The following CSMD2 variants were observed in gnomAD, a reference collection of about 807,000 sequenced individuals.
The protein encoded by CSMD2 is CUB and Sushi multiple domains 2.
In CSMD2, 130 loss-of-function variants were observed where a neutral mutation model predicts 398.5. That is an observed-to-expected ratio of 0.33 (90% CI 0.28 to 0.38). CSMD2 has a LOEUF of 0.38. Ranked by LOEUF, CSMD2 falls within the 10% of genes least tolerant of loss-of-function variation. CSMD2 has a pLI of 1.00. For synonymous variants in CSMD2, 1,828 were observed against 1,908.5 expected, an observed-to-expected ratio of 0.96 and a Z score of 1.10; for missense variants, 3,829 against 4,764.9, an observed-to-expected ratio of 0.80 and a Z score of 5.78.
At chr1:33,807,540 T>C (rs1387875222) in intron 10 of CSMD2, among the ~76,000 whole-genome samples, 1 of 152,094 alleles carries the variant, frequency 6.6e-6, no homozygotes. Context: ...GGTAAACAAA[T>C]AAGTGGTCAA....
rs78917574 is a variant in CSMD2, at chr1:33,624,244, C to T, written c.5625+275G>A. Among the ~76,000 whole-genome samples the T allele has an allele frequency of 3.0e-3, 462 of 152,318 alleles. 2 individuals are homozygous for T. The highest frequency in any genetic ancestry group is 0.01 in the African/African-American group (430 of 41,556). On this transcript the variant is annotated intron_variant, in intron 35 of 70. Transcript: ENST00000373381. The surrounding 1 kb of genome is among the most constrained non-coding windows in gnomAD (Gnocchi z 4.7). ...CCCTCCTGGCCATGGCCAATCAATG[C>T]CCACCTCTCCTCCTTCCTGGGTTAC... is the stretch of plus-strand genomic sequence containing the variant.
At chr1:33,794,716 A>G (rs954344080) in intron 10 of CSMD2, among the ~76,000 whole-genome samples, 1 of 152,144 alleles carries the variant, frequency 6.6e-6, no homozygotes, top group South Asian at 2.1e-4. Flanking sequence ...ATTGAGGGAG[A>G]GTTGAAAGCT....
At chr1:34,030,391 C>T (rs1288138698) in intron 3 of CSMD2, among the ~76,000 whole-genome samples, 1 of 152,116 alleles carries the variant, frequency 6.6e-6, no homozygotes, top group African/African-American at 2.4e-5. Context: ...AGACAGCCAC[C>T]AAACACATGT....
intron 62 of CSMD2, among the ~76,000 whole-genome samples, chr1:33,534,737 T>G (rs900385171): frequency 6.6e-6 from 1 of 152,248 alleles, no homozygotes; most frequent in Non-Finnish European, 1.5e-5. Flanking sequence ...TGAACACTTT[T>G]TTGTCTTGGA....
rs77838577 is a variant in CSMD2 at position 34,118,621 on chromosome 1, A to G, written c.188-29428T>C. ...TCTATACATGAACAATGAACAATCT[A>G]AAAAGGAGATTTGTTTTGTTTTTTA... On this transcript the variant is annotated intron_variant, in intron 1 of 70. Transcript: ENST00000373381. Among the ~76,000 whole-genome samples, 1,172 of 152,320 alleles carry G rather than the reference A, an allele frequency of 7.7e-3. 24 individuals are homozygous for G. Among genetic ancestry groups the G allele is most frequent in the African/African-American group, 0.027 (1,113 of 41,560 alleles).
chr1:33,792,471 G>A lies in CSMD2; in HGVS notation c.1502C>T (p.Thr501Met), dbSNP rs772203139. ...CCCATCCTGACCACCATCACCGACC[G>A]TCAGGGTGTCATAGCCCCTCTCCAA... ...FDLERGYDTL[T>M]VGDGGQDGDQ... is the part of the protein sequence containing the mutation. Residue 501 changes from threonine (T) to methionine (M), a missense_variant, in exon 11 of 71, where the codon ACG becomes ATG. Physicochemically the swap from Thr to Met is moderately conservative, Grantham distance 81. Transcript: ENST00000373381. The A allele has an allele frequency of 1.5e-5, 24 of 1,613,866 alleles. No homozygotes were observed. The highest frequency in any genetic ancestry group is 1.5e-4 in the African/African-American group (11 of 74,858).
intron 1 of CSMD2, among the ~76,000 whole-genome samples, chr1:34,094,759 C>CAA (rs764886726): frequency 6.6e-6 from 1 of 152,178 alleles, no homozygotes; most frequent in Non-Finnish European, 1.5e-5. Context: ...ATTCATAAAG[C>CAA]AAGTCCTGAG....
chr1:33,967,422 G>T (rs1196160541), intron 3 of CSMD2, among the ~76,000 whole-genome samples: 1 of 151,766 alleles, frequency 6.6e-6, no homozygotes, highest in Admixed American at 6.6e-5. Flanking sequence ...CTGTTTAATC[G>T]CCCAGCACAC....
chr1:33,915,040 C>A (rs906826783), intron 5 of CSMD2, among the ~76,000 whole-genome samples: 14 of 152,022 alleles, frequency 9.2e-5, no homozygotes, highest in Non-Finnish European at 1.3e-4. Context: ...GAGTCAGGGA[C>A]ATTGCATGCC....
chr1:33,597,715 T>A lies in CSMD2; in HGVS notation c.6856+3150A>T, dbSNP rs966745986. Among the ~76,000 whole-genome samples, 28 of 152,380 alleles carry A rather than the reference T, an allele frequency of 1.8e-4. 1 individual carries two copies. The highest frequency in any genetic ancestry group is 6.3e-4 in the African/African-American group (26 of 41,590). ...GAGCATTACCTAGTGAAACTAAATA[T>A]GTGGATATTTACAACCTCACAACTC... is the stretch of plus-strand genomic sequence containing the variant. On this transcript the variant is annotated intron_variant, in intron 44 of 70. Transcript: ENST00000373381.
At chr1:33,634,169 A>G (rs2148910957) in intron 31 of CSMD2, among the ~76,000 whole-genome samples, 1 of 152,320 alleles carries the variant, frequency 6.6e-6, no homozygotes, top group South Asian at 2.1e-4. Flanking sequence ...GTACATGTAC[A>G]TAGGTGTCCT....
At chr1:34,022,759 T>A (rs770946228) in intron 3 of CSMD2, among the ~76,000 whole-genome samples, 1 of 152,156 alleles carries the variant, frequency 6.6e-6, no homozygotes, top group South Asian at 2.1e-4. Flanking sequence ...CCGGAGGTTT[T>A]GATGGCCAGG....
intron 3 of CSMD2, among the ~76,000 whole-genome samples, chr1:33,942,831 T>G (rs1359328139): frequency 6.6e-6 from 1 of 152,236 alleles, no homozygotes; most frequent in Non-Finnish European, 1.5e-5. Flanking sequence ...TTTTTACTTC[T>G]GACAGCAGCA....
intron 6 of CSMD2, among the ~76,000 whole-genome samples, chr1:33,827,812 A>G (rs2125022117): frequency 6.6e-6 from 1 of 152,344 alleles, no homozygotes; most frequent in East Asian, 1.9e-4. Flanking sequence ...CAGCCAGGAA[A>G]CAGCTGTGTT....
At chr1:33,610,403 A>G (rs72890856) in intron 41 of CSMD2, among the ~76,000 whole-genome samples, 1,574 of 152,304 alleles carry the variant, frequency 0.01, 22 homozygotes, top group African/African-American at 0.035. Flanking sequence ...ACAGCTGCAC[A>G]GGTTGGGCAC....
intron 5 of CSMD2, among the ~76,000 whole-genome samples, chr1:33,905,478 T>C (rs890513298): frequency 2.0e-5 from 3 of 152,150 alleles, no homozygotes; most frequent in African/African-American, 7.2e-5. Flanking sequence ...GACACTGGAA[T>C]GGGCAACCTG....
At chr1:33,704,265 A>G (rs896234522) in intron 22 of CSMD2, among the ~76,000 whole-genome samples, 1 of 152,164 alleles carries the variant, frequency 6.6e-6, no homozygotes, top group African/African-American at 2.4e-5. Context: ...AACAAAAGTC[A>G]CAATTTTCTA....
intron 5 of CSMD2, among the ~76,000 whole-genome samples, chr1:33,913,193 G>A (rs1643550739): frequency 6.6e-6 from 1 of 152,202 alleles, no homozygotes; most frequent in Admixed American, 6.5e-5. Context: ...TAATGTGCTT[G>A]CCAAGTGCAG....
In CSMD2 at chr1:33,524,963, T is replaced by G; in HGVS notation, c.10315A>C (p.Arg3439=). The G allele has an allele frequency of 6.2e-7, 1 of 1,614,256 alleles. No homozygotes were observed. Among genetic ancestry groups the G allele is most frequent in the Non-Finnish European group, 8.5e-7 (1 of 1,180,026 alleles). Residue 3439 remains arginine (R), a synonymous_variant, in exon 66 of 71, where the codon AGA becomes CGA. Transcript: ENST00000373381. The part of the protein sequence containing the change: ...YQGKKQPAML[R]VTGFQVANSK... ...TTGGCAACTTGGAAGCCAGTCACTC[T>G]GAGCATGGCTGGCTGCTTCTTCCCC...
Sources: gnomAD v4.1 joint callset for allele counts (sites outside exome capture counted in the v4.1 genomes callset) on GRCh38, gnomAD v4.1.1 for gene constraint, Gnocchi (gnomAD v3.1) non-coding constraint, MANE v1.5 for transcripts, NCBI Gene and HGNC (gene_info 2026-07-23, HGNC 2026-07-21) for gene names.